Variants in SYNE2 observed in about 807,000 individuals in gnomAD.
SYNE2 encodes the protein nesprin-2.
A neutral mutation model predicts 856.3 loss-of-function variants in SYNE2; 431 were observed. That is an observed-to-expected ratio of 0.50 (90% confidence interval 0.47 to 0.55). The LOEUF is 0.55. Ranked by LOEUF, SYNE2 falls within the 20% of genes least tolerant of loss-of-function variation. SYNE2 has a pLI of 0.00. For synonymous variants in SYNE2, 2,923 were observed against 2,872.3 expected (o/e 1.02, Z -0.56); for missense variants, 8,129 against 8,023.2 (o/e 1.01, Z -0.50).
At chr14:64,100,525 AAAAAAAATAT>A (rs1451843047) in intron 63 of SYNE2, among the ~76,000 whole-genome samples, 1 of 70,156 alleles carries the variant, frequency 1.4e-5, no homozygotes, top group Non-Finnish European at 2.4e-5. Flanking sequence ...AAAAAAAAAA[AAAAAAAATAT>A]ATATATATAT....
intron 87 of SYNE2, 147 bp from the exon 88 acceptor site, chr14:64,161,925 G>T: frequency 1.2e-6 from 1 of 809,336 alleles, no homozygotes; most frequent in Admixed American, 2.2e-5. Context: ...TTTCTATAAT[G>T]GTGATGCCAC....
chr14:64,051,608 A>C lies in SYNE2; in HGVS notation c.7695A>C (p.Ala2565=), dbSNP rs373434720. The C allele has an allele frequency of 4.0e-5, 65 of 1,613,756 alleles. No individual in the cohort carries two copies. Among genetic ancestry groups the C allele is most frequent in the Non-Finnish European group, 4.6e-5 (54 of 1,179,934 alleles). ...TYLDKIKKFI[A]SIEKEKDSLG... ...TGGACAAAATTAAAAAATTCATAGCATCCATAGAAAAAGAGAAAGATTCTT... is the reference window on the plus strand; with the variant it reads ...TGGACAAAATTAAAAAATTCATAGCCTCCATAGAAAAAGAGAAAGATTCTT... The change falls in exon 48 of 116, where the codon GCA becomes GCC. Residue 2565 remains alanine, a synonymous_variant. Coordinates refer to ENST00000555002, the MANE Select transcript of SYNE2 (RefSeq NM_182914.3).
At chr14:63,809,442 C>T (rs1888525347) in intron 1 of SYNE2, among the ~76,000 whole-genome samples, 1 of 152,162 alleles carries the variant, frequency 6.6e-6, no homozygotes, top group Non-Finnish European at 1.5e-5. Context: ...GGTATTGCCT[C>T]ATTGTGGTCT....
chr14:64,069,261 C>A (rs963743947), intron 51 of SYNE2, among the ~76,000 whole-genome samples: 2 of 146,902 alleles, frequency 1.4e-5, no homozygotes, highest in Non-Finnish European at 3.0e-5. Flanking sequence ...TATTTGCATG[C>A]TAGTTTCCAG....
intron 33 of SYNE2, among the ~76,000 whole-genome samples, chr14:64,017,056 A>G (rs1367900259): frequency 6.6e-6 from 1 of 152,148 alleles, no homozygotes; most frequent in African/African-American, 2.4e-5. Flanking sequence ...TAGACCCAGC[A>G]TGGTGGCTCA....
Position 64,025,010 on chromosome 14 carries a change from G to T in SYNE2, c.5939G>T (p.Cys1980Phe). Reference protein sequence around the residue: ...EEPGEKTELFCQALARKREQF... With the variant: ...EEPGEKTELFFQALARKREQF... Reference sequence around the variant, plus strand: ...CCAGGGGAGAAAACTGAGCTGTTCTGCCAAGCTTTAGCTAGAAAGAGGTAT... The same window carrying T: ...CCAGGGGAGAAAACTGAGCTGTTCTTCCAAGCTTTAGCTAGAAAGAGGTAT... Residue 1980 changes from cysteine (C) to phenylalanine (F), a missense_variant, in exon 40 of 116, where the codon TGC (cysteine) becomes TTC (phenylalanine). Cys to Phe is a radical substitution (Grantham distance 205). Around this residue, in one of 3 missense-constraint regions of SYNE2, gnomAD observed 2,422 missense variants for 2,357.4 expected, o/e 1.03. Coordinates refer to ENST00000555002, the MANE Select transcript of SYNE2 (RefSeq NM_182914.3). 1 of 1,614,022 alleles carries T rather than the reference G, an allele frequency of 6.2e-7. No homozygotes were observed.
intron 30 of SYNE2, among the ~76,000 whole-genome samples, chr14:64,005,105 G>T (rs1013147832): frequency 4.6e-5 from 7 of 152,346 alleles, no homozygotes; most frequent in African/African-American, 1.2e-4. Flanking sequence ...GCAGCAGTGA[G>T]GGGGAGATGT....
Position 64,129,950 on chromosome 14 carries a change from C to A in SYNE2, c.14139+49C>A, listed in dbSNP as rs765813483. 3.7e-6 allele frequency: 6 copies of A among 1,613,916 alleles called. No individual in the cohort carries two copies. The South Asian group carries it at 6.6e-5, about 18-fold the overall frequency. ...ACTCAGCACTGTGATTGTGAGGAGC[C>A]AGATCCTTTTCTTCCACCAGCAGAG... On this transcript the variant is annotated intron_variant, in intron 75 of 115. Coordinates refer to ENST00000555002, the MANE Select transcript of SYNE2 (RefSeq NM_182914.3).
intron 49 of SYNE2, among the ~76,000 whole-genome samples, chr14:64,056,571 T>C (rs1306248501): frequency 6.6e-6 from 1 of 152,098 alleles, no homozygotes; most frequent in Non-Finnish European, 1.5e-5. Context: ...AATATCTTTG[T>C]ACCCAAAAGG....
At chr14:64,092,529 C>T (rs1027586792) in intron 60 of SYNE2, among the ~76,000 whole-genome samples, 2 of 152,166 alleles carry the variant, frequency 1.3e-5, no homozygotes, top group African/African-American at 2.4e-5. Flanking sequence ...TATTCATTTC[C>T]AGCCTATGGC....
intron 1 of SYNE2, among the ~76,000 whole-genome samples, chr14:63,803,025 C>A (rs1003646999): frequency 9.2e-5 from 14 of 152,132 alleles, no homozygotes; most frequent in African/African-American, 3.4e-4. Flanking sequence ...AGCAGGTTGC[C>A]AATAATGGCT....
At chr14:64,138,055 C>T in intron 79 of SYNE2, 72 bp downstream of exon 79, 1 of 1,531,984 alleles carries the variant, frequency 6.5e-7, no homozygotes. Context: ...CTGTAGTCAA[C>T]TAAATTTTAC....
At chr14:64,044,391 T>A (rs1378115546) in intron 45 of SYNE2, among the ~76,000 whole-genome samples, 1 of 152,218 alleles carries the variant, frequency 6.6e-6, no homozygotes, top group Non-Finnish European at 1.5e-5. Flanking sequence ...TAGCTTGCTT[T>A]TGATTTTACA....
intron 84 of SYNE2, among the ~76,000 whole-genome samples, chr14:64,146,777 C>T (rs1251539295): frequency 6.6e-6 from 1 of 152,244 alleles, no homozygotes; most frequent in Non-Finnish European, 1.5e-5. Context: ...TAGCACTGCC[C>T]TTGTGGCTGC....
At chr14:63,844,111 A>G (rs982056999) in intron 1 of SYNE2, among the ~76,000 whole-genome samples, 1 of 152,230 alleles carries the variant, frequency 6.6e-6, no homozygotes, top group Non-Finnish European at 1.5e-5. Context: ...GTATGATGAC[A>G]TGTATTCACC....
rs55906748 is a variant in SYNE2, at chr14:63,944,824, C to CTTTTTTTTTTTTTTTTTTTTTTT, written c.408+2684_408+2706dup. ...GTGAGCCACCGTGCTGGGCTTAAAG[C>CTTTTTTTTTTTTTTTTTTTTTTT]TTTTTTTTTTTTTTTTTTTTTTTTT... On this transcript the variant is annotated intron_variant, in intron 6 of 115. Transcript: ENST00000555002. 2.8e-4 allele frequency among the ~76,000 whole-genome samples: 13 copies of CTTTTTTTTTTTTTTTTTTTTTTT among 46,948 alleles called. 1 individual carries two copies. The highest frequency in any genetic ancestry group is 7.2e-4 in the African/African-American group (7 of 9,788). 30.8% of individuals were successfully genotyped at this position (46,948 alleles called of 152,430 possible). A position where few individuals can be genotyped will look rare whatever the true frequency, so the allele number is the denominator to read the frequency against.
rs1216931234 is a variant in SYNE2, at chr14:63,960,759, T to C, written c.788-766T>C. 11 of 764,236 alleles carry C rather than the reference T, an allele frequency of 1.4e-5. No individual in the cohort carries two copies. In the East Asian group the frequency reaches 1.5e-4, roughly 10 times the overall value. 47.3% of individuals were successfully genotyped at this position (764,236 alleles called of 1,614,324 possible). The stretch of plus-strand genomic sequence containing the variant: ...AGATGCCTGGAGAAGTTCTGCACTT[T>C]ACAGAATTTATATGCCTGGCACAGT... On this transcript the variant is annotated intron_variant, in intron 8 of 115. Transcript: ENST00000555002.
chr14:63,900,938 A>G (rs1219718894), intron 1 of SYNE2, among the ~76,000 whole-genome samples: 1 of 152,214 alleles, frequency 6.6e-6, no homozygotes, highest in African/African-American at 2.4e-5. Flanking sequence ...TGGACTATAA[A>G]TAACAGAGTA....
intron 6 of SYNE2, among the ~76,000 whole-genome samples, chr14:63,949,087 T>G (rs78834888): frequency 0.011 from 1,637 of 152,070 alleles, 26 homozygotes; most frequent in African/African-American, 0.037. Flanking sequence ...ATTGTCTGAT[T>G]AGTCTGTCAT....
Sources: gnomAD v4.1 joint callset for allele counts (sites outside exome capture counted in the v4.1 genomes callset) on GRCh38, gnomAD v4.1.1 for gene constraint, gnomAD v4.1.1 regional missense constraint, MANE v1.5 for transcripts, NCBI Gene and HGNC (gene_info 2026-07-23, HGNC 2026-07-21) for gene names.